The following FAM135B variants were observed in gnomAD, a reference collection of about 807,000 sequenced individuals.
FAM135B encodes protein FAM135B.
In FAM135B, 43 loss-of-function variants were observed where a neutral mutation model predicts 127.7. The observed-to-expected ratio is 0.34, with a 90% CI of 0.26 to 0.43. The LOEUF is 0.43. Ranked by LOEUF, FAM135B falls within the 20% of genes least tolerant of loss-of-function variation. The pLI is 1.00. For missense variants in FAM135B, 1,558 were observed against 1,725.6 expected, an observed-to-expected ratio of 0.90 and a Z score of 1.72; for synonymous variants, 670 against 665.1, an observed-to-expected ratio of 1.01 and a Z score of -0.11.
chr8:138,159,308 T>C (rs12676400), intron 12 of FAM135B, among the ~76,000 whole-genome samples: 41,302 of 131,414 alleles, frequency 0.31, 7,331 homozygotes, highest in East Asian at 0.51. Context: ...TGCACACATA[T>C]GTTTATTGCG....
intron 1 of FAM135B, among the ~76,000 whole-genome samples, chr8:138,394,159 G>A (rs1269651050): frequency 1.3e-5 from 2 of 152,028 alleles, no homozygotes; most frequent in Non-Finnish European, 2.9e-5. Flanking sequence ...ATTTCCTAGG[G>A]GACATACCCT....
intron 7 of FAM135B, among the ~76,000 whole-genome samples, chr8:138,204,931 A>G (rs2129680087): frequency 6.6e-6 from 1 of 152,336 alleles, no homozygotes; most frequent in South Asian, 2.1e-4. Flanking sequence ...GTTTATTGAA[A>G]AAAGAAATGT....
At chr8:138,302,094 G>A (rs1185396614) in intron 3 of FAM135B, among the ~76,000 whole-genome samples, 1 of 151,966 alleles carries the variant, frequency 6.6e-6, no homozygotes, top group Non-Finnish European at 1.5e-5. Context: ...CCTTTTCAGT[G>A]TGACATTTTT....
chr8:138,215,036 G>C (rs1158487659), intron 7 of FAM135B, among the ~76,000 whole-genome samples: 1 of 152,158 alleles, frequency 6.6e-6, no homozygotes, highest in Non-Finnish European at 1.5e-5. Context: ...GAAGGGATCG[G>C]GGATAATTCT....
At chr8:138,233,919 G>A (rs1418562197) in intron 7 of FAM135B, among the ~76,000 whole-genome samples, 2 of 152,086 alleles carry the variant, frequency 1.3e-5, no homozygotes, top group Non-Finnish European at 2.9e-5. Context: ...TGGCAAATGG[G>A]CATATGAAAT....
At chr8:138,230,333 G>T (rs978750353) in intron 7 of FAM135B, among the ~76,000 whole-genome samples, 1 of 152,158 alleles carries the variant, frequency 6.6e-6, no homozygotes, top group Non-Finnish European at 1.5e-5. Flanking sequence ...TGCTGGGTTG[G>T]CATTAGGTCT....
chr8:138,378,514 A>T (rs573507627), intron 1 of FAM135B, among the ~76,000 whole-genome samples: 263 of 152,302 alleles, frequency 1.7e-3, no homozygotes, highest in Non-Finnish European at 2.2e-3. Context: ...ATGGCAGGAG[A>T]GGAATGATAA....
chr8:138,182,779 G>A (rs906316421), intron 9 of FAM135B, among the ~76,000 whole-genome samples: 17 of 152,176 alleles, frequency 1.1e-4, no homozygotes, highest in Non-Finnish European at 2.1e-4. Context: ...AACAAACCGC[G>A]CTCTCTCACT....
At chr8:138,249,718 T>C (rs1370827777) in intron 6 of FAM135B, among the ~76,000 whole-genome samples, 1 of 152,110 alleles carries the variant, frequency 6.6e-6, no homozygotes, top group Non-Finnish European at 1.5e-5. Flanking sequence ...GCAAACGTAG[T>C]GAAAATTCTA....
intron 3 of FAM135B, among the ~76,000 whole-genome samples, chr8:138,274,156 A>G (rs1233133694): frequency 6.6e-6 from 1 of 152,028 alleles, no homozygotes; most frequent in Non-Finnish European, 1.5e-5. Context: ...CCTCTATCCA[A>G]TCATCGGCAC....
chr8:138,173,078 C>G (rs1015189298), intron 11 of FAM135B, among the ~76,000 whole-genome samples: 5 of 152,164 alleles, frequency 3.3e-5, no homozygotes, highest in African/African-American at 1.2e-4. Flanking sequence ...GTTGTTTGCA[C>G]AGTAGGCAGA....
In FAM135B at chr8:138,189,882, G is replaced by A. The variant is rs191094726; in HGVS notation, c.873+5376C>T. ...ACAACAAGGAAGGGGTCCCAGATGC[G>A]GGAGAACAATTGTTTTGAGACATGG... On this transcript the variant is annotated intron_variant, in intron 9 of 19. Transcript: ENST00000395297. 4.1e-4 allele frequency among the ~76,000 whole-genome samples: 63 copies of A among 152,278 alleles called. 1 individual carries two copies. Among genetic ancestry groups the A allele is most frequent in the African/African-American group, 1.4e-3 (58 of 41,554 alleles).
Position 138,131,000 on chromosome 8 carries a change from A to C in FAM135B, c.*1593T>G, listed in dbSNP as rs4909398. On this transcript the variant is annotated 3_prime_UTR_variant, in exon 20 of 20. Transcript: ENST00000395297. ...CCTCAACGACCCTCTCTTTCTTCAA[A>C]AGAATACCACATGTCTACACTCCTG... 123,242 of 152,238 alleles carry C rather than the reference A, an allele frequency of 0.81. 50,174 individuals are homozygous for C. Among genetic ancestry groups the C allele is most frequent in the East Asian group, 1 (5,165 of 5,176 alleles). 9.4% of individuals were successfully genotyped at this position (152,238 alleles called of 1,614,324 possible). A position where few individuals can be genotyped will look rare whatever the true frequency, so the allele number is the denominator to read the frequency against.
intron 1 of FAM135B, among the ~76,000 whole-genome samples, chr8:138,475,223 T>G (rs1814350071): frequency 6.6e-6 from 1 of 152,156 alleles, no homozygotes; most frequent in Non-Finnish European, 1.5e-5. Flanking sequence ...TGCAGGCTCT[T>G]CTTTCTCCCT....
intron 3 of FAM135B, among the ~76,000 whole-genome samples, chr8:138,286,272 G>A (rs1334937274): frequency 3.3e-5 from 5 of 152,226 alleles, no homozygotes; most frequent in African/African-American, 4.8e-5. Context: ...CAGAAGCAGA[G>A]CTCACAAAGG....
intron 8 of FAM135B, among the ~76,000 whole-genome samples, chr8:138,195,781 A>G (rs572660805): frequency 3.3e-5 from 5 of 152,226 alleles, no homozygotes; most frequent in Admixed American, 6.5e-5. Context: ...CAGCTCTGAT[A>G]CTGAAGAATG....
At chr8:138,369,214 G>A (rs1830960368) in intron 1 of FAM135B, among the ~76,000 whole-genome samples, 2 of 152,102 alleles carry the variant, frequency 1.3e-5, no homozygotes, top group African/African-American at 4.8e-5. Context: ...TATGACCTCT[G>A]GGAAGGGAGA....
At chr8:138,339,770 C>T (rs1828912834) in intron 2 of FAM135B, among the ~76,000 whole-genome samples, 2 of 152,198 alleles carry the variant, frequency 1.3e-5, no homozygotes, top group Non-Finnish European at 2.9e-5. Context: ...GCCTCCCTCA[C>T]TCACATCCCC....
At chr8:138,271,891 T>C (rs1182529563) in intron 3 of FAM135B, among the ~76,000 whole-genome samples, 2 of 152,168 alleles carry the variant, frequency 1.3e-5, no homozygotes, top group African/African-American at 4.8e-5. Flanking sequence ...TCGTTGAGTA[T>C]GGTCTTGGGT....
Sources: allele counts gnomAD v4.1 joint callset (sites outside exome capture counted in the v4.1 genomes callset), GRCh38; gene constraint gnomAD v4.1.1; transcripts MANE v1.5; gene names NCBI Gene and HGNC (gene_info 2026-07-23, HGNC 2026-07-21).